The following DCDC1 variants were observed in gnomAD, a reference collection of about 807,000 sequenced individuals.
DCDC1 encodes the protein doublecortin domain-containing protein 1.
In DCDC1, 200 loss-of-function variants were observed where a neutral mutation model predicts 178.3. The observed-to-expected ratio is 1.12, with a 90% CI of 1.00 to 1.26. The LOEUF (loss-of-function observed/expected upper bound fraction) is 1.26. DCDC1 is among the 50% of genes most tolerant of loss of function. The pLI, the probability that DCDC1 is intolerant of heterozygous loss-of-function variation, is 0.00. For missense variants in DCDC1, 1,983 were observed against 1,749.2 expected (o/e 1.13, Z -2.38); for synonymous variants, 690 against 604.8 (o/e 1.14, Z -2.07).
intron 3 of DCDC1, among the ~76,000 whole-genome samples, chr11:31,326,167 T>C (rs1949633326): frequency 6.6e-6 from 1 of 152,162 alleles, no homozygotes; most frequent in Non-Finnish European, 1.5e-5. Flanking sequence ...GAAAAGAAGT[T>C]AGGATTCAAA....
At chr11:31,307,976 T>TA in intron 3 of DCDC1, 68 bp from the exon 4 acceptor site, 2 of 1,580,730 alleles carry the variant, frequency 1.3e-6, no homozygotes, top group Middle Eastern at 1.7e-4. Flanking sequence ...AAATACCATA[T>TA]AATAACGAGT....
At chr11:31,145,028 G>C (rs72882700) in intron 9 of DCDC1, among the ~76,000 whole-genome samples, 6,556 of 152,150 alleles carry the variant, frequency 0.043, 229 homozygotes, top group Admixed American at 0.073. Context: ...GTTACCAAAA[G>C]TGTGTGAAGT....
chr11:30,999,461 T>C (rs1028395410), intron 20 of DCDC1, among the ~76,000 whole-genome samples: 1 of 152,208 alleles, frequency 6.6e-6, no homozygotes, highest in Non-Finnish European at 1.5e-5. Context: ...CGAATCTAAT[T>C]TCCTTATGTA....
In DCDC1 at chr11:31,181,305, A is replaced by G. The variant is rs185171946; in HGVS notation, c.1222-43521T>C. Among the ~76,000 whole-genome samples the G allele has an allele frequency of 2.6e-5, 4 of 152,318 alleles. No individual in the cohort carries two copies. The East Asian group carries it at 7.7e-4, about 29-fold the overall frequency. On this transcript the variant is annotated intron_variant, in intron 9 of 38. Transcript: ENST00000684477. ...GGGTACAGCTTCAGCCAACTTAAAC[A>G]TTCCTGCCTACCAGCTCTGAAGAGA...
intron 20 of DCDC1, among the ~76,000 whole-genome samples, chr11:31,034,114 A>G (rs969360533): frequency 6.9e-6 from 1 of 145,922 alleles, no homozygotes; most frequent in Non-Finnish European, 1.5e-5. Flanking sequence ...ACTGCACTCC[A>G]GTCTGGGCGA....
chr11:31,345,394 T>C (rs1950761983), intron 1 of DCDC1, among the ~76,000 whole-genome samples: 1 of 152,188 alleles, frequency 6.6e-6, no homozygotes, highest in Non-Finnish European at 1.5e-5. Context: ...TGTGACACCT[T>C]GTCATGCTTA....
rs150426755 is a variant in DCDC1, at chr11:30,997,811, A to ATG, written c.2592-45245_2592-45244dup. Among the ~76,000 whole-genome samples, 696 of 149,042 alleles carry ATG rather than the reference A, an allele frequency of 4.7e-3. 2 individuals are homozygous for ATG. Among genetic ancestry groups the ATG allele is most frequent in the East Asian group, 0.013 (67 of 5,058 alleles). On this transcript the variant is annotated intron_variant, in intron 20 of 38. Transcript: ENST00000684477. ...TTTATTTTACCATACCATAGTGTGT[A>ATG]TGTGTGTGTGTGTGTGTGTGTGTAC... is the stretch of plus-strand genomic sequence containing the variant.
At chr11:30,999,725 TG>T (rs1172528096) in intron 20 of DCDC1, among the ~76,000 whole-genome samples, 4 of 151,560 alleles carry the variant, frequency 2.6e-5, no homozygotes, top group African/African-American at 4.8e-5. Flanking sequence ...TTAAAAAGGG[TG>T]GGGGGAGTGA....
At chr11:31,013,247 T>C (rs1952279818) in intron 20 of DCDC1, among the ~76,000 whole-genome samples, 2 of 152,338 alleles carry the variant, frequency 1.3e-5, no homozygotes, top group Admixed American at 6.5e-5. Flanking sequence ...TTGAAACTAT[T>C]GAATAACCTT....
chr11:31,128,594 C>T (rs530340389), intron 10 of DCDC1, among the ~76,000 whole-genome samples: 1 of 152,030 alleles, frequency 6.6e-6, no homozygotes, highest in Non-Finnish European at 1.5e-5. Context: ...ACAAATTAGA[C>T]CCATTTAGAA....
At position 31,102,290 on chromosome 11, in the gene DCDC1, A is replaced by G; in HGVS notation, c.1878-8T>C. ...CCCTCACAAACTTCCCAACTAAGAA[A>G]AGTAAAATACGTAATTATTTTTATT... is the stretch of plus-strand genomic sequence containing the variant. On this transcript the variant is annotated splice_polypyrimidine_tract_variant and splice_region_variant and intron_variant, in intron 14 of 38. Transcript: ENST00000684477. 1.5e-6 allele frequency: 1 copy of G among 675,892 alleles called. No homozygotes were observed. The highest frequency in any genetic ancestry group is 2.7e-6 in the Non-Finnish European group (1 of 364,332). 41.9% of individuals were successfully genotyped at this position (675,892 alleles called of 1,614,324 possible). A position where few individuals can be genotyped will look rare whatever the true frequency, so the allele number is the denominator to read the frequency against.
At chr11:31,003,814 T>C (rs865944540) in intron 20 of DCDC1, among the ~76,000 whole-genome samples, 9 of 152,138 alleles carry the variant, frequency 5.9e-5, no homozygotes, top group Non-Finnish European at 8.8e-5. Context: ...CAGGATGGAT[T>C]TTAGAAAGAG....
chr11:31,311,223 C>T (rs907888908), intron 3 of DCDC1, among the ~76,000 whole-genome samples: 1 of 152,146 alleles, frequency 6.6e-6, no homozygotes, highest in African/African-American at 2.4e-5. Flanking sequence ...TGTGAGGCAA[C>T]CTCATGCTAC....
intron 1 of DCDC1, among the ~76,000 whole-genome samples, chr11:31,361,260 A>G (rs182475546): frequency 5.3e-4 from 80 of 152,304 alleles, no homozygotes; most frequent in Middle Eastern, 6.8e-3. Context: ...ATAAATAAAG[A>G]TCCATAAAGA....
rs546642765 is a variant in DCDC1, at chr11:31,129,695, A to G, written c.1315-2056T>C. Among the ~76,000 whole-genome samples the G allele has an allele frequency of 4.6e-5, 7 of 151,800 alleles. No homozygotes were observed. In the South Asian group the frequency reaches 1.5e-3, roughly 32 times the overall value. On this transcript the variant is annotated intron_variant, in intron 10 of 38. Transcript: ENST00000684477. ...ATAAGTAATAGCCCTCAATCCCCTC[A>G]TCCCCCTCCCCAGTTTGGATTAACA... is the stretch of plus-strand genomic sequence containing the variant.
chr11:30,971,616 T>G (rs1310113982), intron 20 of DCDC1, among the ~76,000 whole-genome samples: 6 of 141,944 alleles, frequency 4.2e-5, no homozygotes, highest in South Asian at 4.7e-4. Context: ...TTTTTTTTTT[T>G]TTTTTTTTTT....
At chr11:31,164,127 C>T (rs1966569764) in intron 9 of DCDC1, among the ~76,000 whole-genome samples, 1 of 152,096 alleles carries the variant, frequency 6.6e-6, no homozygotes, top group African/African-American at 2.4e-5. Flanking sequence ...AAGGACAAAT[C>T]ATCAAATCCT....
At chr11:30,987,145 T>C (rs1950700383) in intron 20 of DCDC1, among the ~76,000 whole-genome samples, 1 of 152,076 alleles carries the variant, frequency 6.6e-6, no homozygotes, top group Non-Finnish European at 1.5e-5. Context: ...GCCTCCCAAG[T>C]AGCTGGGACT....
At chr11:31,311,904 T>A (rs1948790823) in intron 3 of DCDC1, among the ~76,000 whole-genome samples, 1 of 152,192 alleles carries the variant, frequency 6.6e-6, no homozygotes, top group South Asian at 2.1e-4. Flanking sequence ...CTCTCTTCTC[T>A]CACTGCCTCT....
Sources: allele counts gnomAD v4.1 joint callset (sites outside exome capture counted in the v4.1 genomes callset), GRCh38; gene constraint gnomAD v4.1.1; transcripts MANE v1.5; gene names NCBI Gene and HGNC (gene_info 2026-07-23, HGNC 2026-07-21).